Variants in IQGAP2 observed in about 807,000 individuals in gnomAD.
IQGAP2 encodes the protein IQ motif containing GTPase activating protein 2.
Under a neutral mutation model 201.3 loss-of-function variants are expected in IQGAP2, and 173 were observed. That is an observed-to-expected ratio of 0.86 (90% CI 0.76 to 0.98). The LOEUF (loss-of-function observed/expected upper bound fraction) is 0.98, where lower values mean the gene tolerates loss of function less well. IQGAP2 is among the 50% of genes least tolerant of loss of function. The pLI, the probability that IQGAP2 is intolerant of heterozygous loss-of-function variation, is 0.00. For missense variants in IQGAP2, 1,687 were observed against 1,864.8 expected, an observed-to-expected ratio of 0.90 and a Z score of 1.76; for synonymous variants, 675 against 673.9, an observed-to-expected ratio of 1.00 and a Z score of -0.03.
chr5:76,512,551 G>C (rs780769886), intron 2 of IQGAP2, among the ~76,000 whole-genome samples: 1 of 152,204 alleles, frequency 6.6e-6, no homozygotes, highest in African/African-American at 2.4e-5. Flanking sequence ...TCTGAAGTGT[G>C]ATACTATCTA....
intron 2 of IQGAP2, among the ~76,000 whole-genome samples, chr5:76,478,284 C>T (rs1264758989): frequency 6.6e-6 from 1 of 152,088 alleles, no homozygotes; most frequent in African/African-American, 2.4e-5. Context: ...ACCTATAATC[C>T]CAGCTACTTG....
At chr5:76,457,271 C>A (rs769407496) in intron 1 of IQGAP2, among the ~76,000 whole-genome samples, 1 of 152,078 alleles carries the variant, frequency 6.6e-6, no homozygotes, top group Non-Finnish European at 1.5e-5. Flanking sequence ...GCTACCCCAG[C>A]CGGACATATT....
At chr5:76,651,356 CTT>C (rs1384021516) in intron 17 of IQGAP2, among the ~76,000 whole-genome samples, 2 of 152,186 alleles carry the variant, frequency 1.3e-5, no homozygotes, top group African/African-American at 2.4e-5. Context: ...AATCCCAACA[CTT>C]TGGGAGGCCA....
intron 2 of IQGAP2, among the ~76,000 whole-genome samples, chr5:76,513,748 A>G (rs1302424020): frequency 6.6e-6 from 1 of 152,184 alleles, no homozygotes; most frequent in African/African-American, 2.4e-5. Flanking sequence ...GATTTTTAGG[A>G]ATGTGAAACT....
At chr5:76,589,311 C>CAAAAA (rs35291690) in intron 6 of IQGAP2, among the ~76,000 whole-genome samples, 67 of 106,792 alleles carry the variant, frequency 6.3e-4, no homozygotes, top group African/African-American at 2.3e-3. Flanking sequence ...GACTCTGCCT[C>CAAAAA]AAAAAAAAAA....
intron 2 of IQGAP2, among the ~76,000 whole-genome samples, chr5:76,481,680 G>A (rs914386825): frequency 3.3e-5 from 5 of 152,118 alleles, no homozygotes; most frequent in Non-Finnish European, 7.3e-5. Context: ...CACCACACCC[G>A]ATCCAATGTA....
intron 1 of IQGAP2, among the ~76,000 whole-genome samples, chr5:76,438,503 C>T (rs1375845484): frequency 6.6e-6 from 1 of 151,918 alleles, no homozygotes; most frequent in Non-Finnish European, 1.5e-5. Flanking sequence ...AGTGCCATGT[C>T]ATGATCTTGG....
At chr5:76,444,518 C>T (rs1243421894) in intron 1 of IQGAP2, among the ~76,000 whole-genome samples, 2 of 152,128 alleles carry the variant, frequency 1.3e-5, no homozygotes, top group Admixed American at 6.5e-5. Context: ...AGGCTGGTCT[C>T]GAACTCCCAA....
intron 3 of IQGAP2, among the ~76,000 whole-genome samples, chr5:76,564,870 A>G (rs6453232): frequency 0.58 from 88,026 of 152,034 alleles, 26,833 homozygotes; most frequent in East Asian, 0.75. Flanking sequence ...CAGGAGGGAG[A>G]TCGTGGCCAG....
intron 3 of IQGAP2, among the ~76,000 whole-genome samples, chr5:76,570,242 T>G (rs1321488206): frequency 6.6e-6 from 1 of 152,250 alleles, no homozygotes; most frequent in South Asian, 2.1e-4. Flanking sequence ...CTGGACACCA[T>G]GCATGTGTGT....
At position 76,652,776 on chromosome 5, in the gene IQGAP2, G is replaced by A; in HGVS notation, c.2121G>A (p.Arg707=). ...CTTTTTGGAAAGGATATAAACAACG[G>A]AAGGAGTATATGCACAGGCGGCAAA... The part of the protein sequence containing the change: ...IQAFWKGYKQ[R]KEYMHRRQTF... The change falls in exon 18 of 36, where the codon CGG becomes CGA. Residue 707 remains arginine (R), a synonymous_variant. Transcript: ENST00000274364. The A allele has an allele frequency of 6.2e-7, 1 of 1,611,438 alleles. No individual in the cohort carries two copies. The highest frequency in any genetic ancestry group is 8.5e-7 in the Non-Finnish European group (1 of 1,177,534).
At position 76,444,148 on chromosome 5, in the gene IQGAP2, G is replaced by A. The variant is rs1753226164; in HGVS notation, c.47-17422G>A. ...TACCTGTAATCCCATCACATTGGGA[G>A]GCCAAGGCAGAAAGATCACTTGAGC... On this transcript the variant is annotated intron_variant, in intron 1 of 35. Transcript: ENST00000274364. Among the ~76,000 whole-genome samples, 3 of 152,146 alleles carry A rather than the reference G, an allele frequency of 2.0e-5. 1 individual carries two copies. The highest frequency in any genetic ancestry group is 2.0e-4 in the Admixed American group (3 of 15,268).
At chr5:76,509,519 C>T (rs1202679393) in intron 2 of IQGAP2, among the ~76,000 whole-genome samples, 2 of 151,924 alleles carry the variant, frequency 1.3e-5, no homozygotes, top group Non-Finnish European at 2.9e-5. Context: ...GCCTCAGCCT[C>T]CCGAGTAGAC....
intron 17 of IQGAP2, among the ~76,000 whole-genome samples, chr5:76,648,248 G>A (rs1752230216): frequency 6.6e-6 from 1 of 152,102 alleles, no homozygotes; most frequent in African/African-American, 2.4e-5. Flanking sequence ...AGATTCACTA[G>A]CCTCCTTTTT....
intron 1 of IQGAP2, among the ~76,000 whole-genome samples, chr5:76,444,970 T>A (rs182631514): frequency 6.6e-6 from 1 of 152,360 alleles, no homozygotes; most frequent in African/African-American, 2.4e-5. Context: ...ACCAGAGAGA[T>A]ACCATTTCTA....
intron 21 of IQGAP2, 147 bp from the exon 22 acceptor site, chr5:76,664,879 C>G: frequency 1.9e-6 from 1 of 538,110 alleles, no homozygotes; most frequent in African/African-American, 1.9e-5. Context: ...AAAAAAAATG[C>G]GGTATCTGTG....
At chr5:76,631,684 A>G (rs429071) in intron 14 of IQGAP2, among the ~76,000 whole-genome samples, 175 bp from the exon 15 acceptor site, 86,813 of 151,942 alleles carry the variant, frequency 0.57, 24,870 homozygotes, top group South Asian at 0.63. Context: ...AATTCTTCTT[A>G]TGGACTAAAC....
In IQGAP2 at chr5:76,654,216, G is replaced by T. The variant is rs112380748; in HGVS notation, c.2195G>T (p.Arg732Leu). The change falls in exon 19 of 36, where the codon CGA becomes CTA. Residue 732 changes from arginine (R) to leucine (L), a missense_variant. Arg to Leu is a moderately radical substitution (Grantham distance 102). Coordinates refer to ENST00000274364, the MANE Select transcript of IQGAP2 (RefSeq NM_006633.5). ...DSIVKIQSWFRMATARKSYLS... is the reference protein window; with the variant it reads ...DSIVKIQSWFLMATARKSYLS... ...ACCTTTCAGATTCAGTCCTGGTTCC[G>T]AATGGCAACTGCAAGAAAGAGCTAT... 6.2e-7 allele frequency: 1 copy of T among 1,608,874 alleles called. No homozygotes were observed. Among genetic ancestry groups the T allele is most frequent in the South Asian group, 1.1e-5 (1 of 90,330 alleles).
At chr5:76,683,476 T>A (rs1470208635) in intron 29 of IQGAP2, among the ~76,000 whole-genome samples, 1 of 152,206 alleles carries the variant, frequency 6.6e-6, no homozygotes, top group Non-Finnish European at 1.5e-5. Flanking sequence ...CAACCTGTAT[T>A]ATACAGAAAG....
Sources: gnomAD v4.1 joint callset for allele counts (sites outside exome capture counted in the v4.1 genomes callset) on GRCh38, gnomAD v4.1.1 for gene constraint, MANE v1.5 for transcripts, NCBI Gene and HGNC (gene_info 2026-07-23, HGNC 2026-07-21) for gene names.